THADA: variants seen among roughly 807,000 people sequenced by gnomAD.
The protein encoded by THADA is tRNA (32-2'-O)-methyltransferase regulator THADA.
In THADA, 213 loss-of-function variants were observed where a neutral mutation model predicts 219.8. That is an observed-to-expected ratio of 0.97 (90% CI 0.87 to 1.09). The LOEUF (loss-of-function observed/expected upper bound fraction) is 1.09. Ranked by LOEUF, THADA falls within the 50% of genes least tolerant of loss-of-function variation. The pLI is 0.00. For missense variants in THADA, 2,956 were observed against 2,311.3 expected (o/e 1.28, Z -5.72); for synonymous variants, 1,018 against 828.9 (o/e 1.23, Z -3.92).
intron 36 of THADA, among the ~76,000 whole-genome samples, chr2:43,245,508 C>T (rs1669056721): frequency 1.3e-5 from 2 of 152,146 alleles, no homozygotes; most frequent in Admixed American, 1.3e-4. Flanking sequence ...GTCTTCTTGG[C>T]CTGAGCTCCT....
At chr2:43,476,448 G>C (rs1685556558) in intron 26 of THADA, among the ~76,000 whole-genome samples, 1 of 152,170 alleles carries the variant, frequency 6.6e-6, no homozygotes, top group Admixed American at 6.5e-5. Context: ...AACCTCAAAA[G>C]AATCAATCCT....
At chr2:43,559,258 A>G (rs1457020287) in intron 16 of THADA, among the ~76,000 whole-genome samples, 1 of 152,240 alleles carries the variant, frequency 6.6e-6, no homozygotes, top group Admixed American at 6.5e-5. Context: ...AGGCATCGGT[A>G]GATGCTGTAC....
chr2:43,570,178 G>A (rs2103996345), intron 14 of THADA, among the ~76,000 whole-genome samples: 1 of 152,224 alleles, frequency 6.6e-6, no homozygotes, highest in Middle Eastern at 3.4e-3. Flanking sequence ...ACGTCATTCT[G>A]TAACAGTCCT....
chr2:43,322,599 C>A (rs567652610), intron 30 of THADA, among the ~76,000 whole-genome samples: 1 of 151,842 alleles, frequency 6.6e-6, no homozygotes, highest in Non-Finnish European at 1.5e-5. Flanking sequence ...CACAACCCTA[C>A]CCCCTGCCCA....
chr2:43,517,703 G>C (rs943225970), intron 22 of THADA, among the ~76,000 whole-genome samples: 1 of 152,018 alleles, frequency 6.6e-6, no homozygotes, highest in Admixed American at 6.6e-5. Context: ...TCATTTGCTC[G>C]TAATCTTGAA....
At chr2:43,374,678 A>G (rs1406164985) in intron 29 of THADA, among the ~76,000 whole-genome samples, 1 of 152,182 alleles carries the variant, frequency 6.6e-6, no homozygotes, top group African/African-American at 2.4e-5. Flanking sequence ...AAACAAATGG[A>G]ATGGCATAAA....
At chr2:43,578,456 T>C (rs980143460) in intron 9 of THADA, 57 bp downstream of exon 9, 1 of 1,447,350 alleles carries the variant, frequency 6.9e-7, no homozygotes, top group African/African-American at 1.4e-5. Context: ...CAAAATTATT[T>C]TTTAAACATA....
chr2:43,357,662 C>T (rs552580155), intron 29 of THADA, among the ~76,000 whole-genome samples: 3 of 152,226 alleles, frequency 2.0e-5, no homozygotes, highest in African/African-American at 7.2e-5. Flanking sequence ...GATAGTCCTA[C>T]ATATATCCTG....
At chr2:43,313,800 C>T (rs1042228021) in intron 31 of THADA, among the ~76,000 whole-genome samples, 2 of 152,232 alleles carry the variant, frequency 1.3e-5, no homozygotes, top group Admixed American at 6.5e-5. Context: ...AGAGGGTTCT[C>T]GGACTCCCTT....
chr2:43,434,969 C>T (rs560905617), intron 26 of THADA, among the ~76,000 whole-genome samples: 15 of 152,302 alleles, frequency 9.8e-5, no homozygotes, highest in African/African-American at 3.1e-4. Flanking sequence ...AGTGGGAGCC[C>T]CACAGCCTGC....
intron 17 of THADA, among the ~76,000 whole-genome samples, chr2:43,553,849 T>G (rs1257532031): frequency 6.6e-6 from 1 of 152,236 alleles, no homozygotes; most frequent in Non-Finnish European, 1.5e-5. Flanking sequence ...TGATTTTGAT[T>G]TGCATTTCTG....
rs1473269879 is a variant in THADA, at chr2:43,231,031, C to T, written c.5779G>A (p.Glu1927Lys). Reference protein sequence around the residue: ...LLAFLEGKEGEDTLVLSVWDS... With the variant: ...LLAFLEGKEGKDTLVLSVWDS... Reference sequence around the variant, plus strand: ...CAAACACTGAGAACTAGGGTGTCTTCCCCTTCCTTTCCTTCCAAAAAGGCC... The same window carrying T: ...CAAACACTGAGAACTAGGGTGTCTTTCCCTTCCTTTCCTTCCAAAAAGGCC... The change falls in exon 38 of 38, where the codon GAA (glutamate) becomes AAA (lysine). Residue 1927 changes from glutamate (E) to lysine (K), a missense_variant. Coordinates refer to ENST00000405975, the MANE Select transcript of THADA (RefSeq NM_022065.5). 6.2e-7 allele frequency: 1 copy of T among 1,613,942 alleles called. No individual in the cohort carries two copies. The highest frequency in any genetic ancestry group is 8.5e-7 in the Non-Finnish European group (1 of 1,179,882).
intron 30 of THADA, chr2:43,342,948 AAG>A (rs1340656271): frequency 2.6e-5 from 4 of 152,196 alleles, no homozygotes; most frequent in Non-Finnish European, 5.9e-5. Context: ...AAAAATAAAA[AAG>A]AGAGGCTTCT....
intron 29 of THADA, among the ~76,000 whole-genome samples, chr2:43,380,935 C>G (rs928419171): frequency 6.6e-6 from 1 of 151,512 alleles, no homozygotes; most frequent in Non-Finnish European, 1.5e-5. Context: ...CCCGTCTCTA[C>G]GAAAAATACA....
At chr2:43,495,773 T>A (rs1342034014) in intron 25 of THADA, among the ~76,000 whole-genome samples, 1 of 152,202 alleles carries the variant, frequency 6.6e-6, no homozygotes, top group East Asian at 1.9e-4. Flanking sequence ...ATATTGATAT[T>A]TCTGACAATC....
intron 31 of THADA, among the ~76,000 whole-genome samples, chr2:43,308,570 C>T (rs1677117366): frequency 6.6e-6 from 1 of 151,816 alleles, no homozygotes; most frequent in Non-Finnish European, 1.5e-5. Flanking sequence ...GGCATGGTGG[C>T]ATGTGCCTGT....
rs1667397644 is a variant in THADA, at chr2:43,344,385, TG to T, written c.4228-149del. ...GCTCTGGTCTCTTTGCAGAAAGGCA[TG>T]TTGGTTTTGGAGGATGTAGCAGTGC... On this transcript the variant is annotated intron_variant, in intron 29 of 37. Transcript: ENST00000405975. 8.3e-6 allele frequency: 5 copies of T among 599,342 alleles called. No homozygotes were observed. The East Asian group carries it at 1.5e-4, about 18-fold the overall frequency. 37.1% of individuals were successfully genotyped at this position (599,342 alleles called of 1,614,324 possible). A position where few individuals can be genotyped will look rare whatever the true frequency, so the allele number is the denominator to read the frequency against.
In THADA at chr2:43,281,459, G is replaced by C. The variant is rs1451484342; in HGVS notation, c.5165-1563C>G. Among the ~76,000 whole-genome samples the C allele has an allele frequency of 5.5e-5, 3 of 54,734 alleles. No individual in the cohort carries two copies. The Admixed American group carries it at 5.9e-4, about 11-fold the overall frequency. 35.9% of individuals were successfully genotyped at this position (54,734 alleles called of 152,430 possible). A position where few individuals can be genotyped will look rare whatever the true frequency, so the allele number is the denominator to read the frequency against. Reference sequence around the variant, plus strand: ...GTACTTCTTTTTTTTTTTTTTTTTTGAGATGAAGTTTCACTCTTGTTGCCC... The same window carrying C: ...GTACTTCTTTTTTTTTTTTTTTTTTCAGATGAAGTTTCACTCTTGTTGCCC... On this transcript the variant is annotated intron_variant, in intron 35 of 37. Transcript: ENST00000405975.
intron 31 of THADA, 46 bp downstream of exon 31, chr2:43,320,400 A>G: frequency 6.8e-7 from 1 of 1,468,188 alleles, no homozygotes; most frequent in African/African-American, 1.4e-5. Flanking sequence ...TCCACATTTC[A>G]AAGATGTGTA....
Sources: gnomAD v4.1 joint callset for allele counts (sites outside exome capture counted in the v4.1 genomes callset) on GRCh38, gnomAD v4.1.1 for gene constraint, MANE v1.5 for transcripts, NCBI Gene and HGNC (gene_info 2026-07-23, HGNC 2026-07-21) for gene names.